The following DYRK4 variants were observed in gnomAD, a reference collection of about 807,000 sequenced individuals.
DYRK4 encodes dual specificity tyrosine phosphorylation regulated kinase 4.
In DYRK4, 64 loss-of-function variants were observed where a neutral mutation model predicts 68.3. The ratio of observed to expected loss-of-function variants is 0.94; its 90% CI spans 0.77 to 1.15. The LOEUF (loss-of-function observed/expected upper bound fraction) is 1.15, where lower values mean the gene tolerates loss of function less well. Among genes scored for constraint, DYRK4 ranks in the 50% most tolerant of loss-of-function variants. DYRK4 has a pLI of 0.00. For missense variants in DYRK4, 740 were observed against 764.7 expected (o/e 0.97, Z 0.38); for synonymous variants, 274 against 289.9 (o/e 0.95, Z 0.56).
intron 1 of DYRK4, among the ~76,000 whole-genome samples, chr12:4,565,896 T>C (rs765789401): frequency 1.3e-5 from 2 of 152,240 alleles, no homozygotes; most frequent in Non-Finnish European, 2.9e-5. Flanking sequence ...CCCAAAGTGC[T>C]GGGATTACAG....
intron 1 of DYRK4, among the ~76,000 whole-genome samples, chr12:4,563,544 T>C (rs1481924346): frequency 1.3e-5 from 2 of 152,192 alleles, no homozygotes; most frequent in Admixed American, 6.5e-5. Context: ...TCAAAGAATA[T>C]GGTCGTGCTG....
At chr12:4,563,427 G>T (rs1013110792) in intron 1 of DYRK4, among the ~76,000 whole-genome samples, 1 of 152,208 alleles carries the variant, frequency 6.6e-6, no homozygotes, top group Admixed American at 6.5e-5. Context: ...CCAGTGCTGG[G>T]ATTTAGTGGT....
chr12:4,574,869 C>T (rs1944771047), intron 2 of DYRK4, among the ~76,000 whole-genome samples: 1 of 152,118 alleles, frequency 6.6e-6, no homozygotes, highest in Non-Finnish European at 1.5e-5. Flanking sequence ...AGGTGCACGC[C>T]ACCATGCCCA....
At chr12:4,611,065 A>G (rs1371858231) in intron 13 of DYRK4, among the ~76,000 whole-genome samples, 2 of 152,304 alleles carry the variant, frequency 1.3e-5, no homozygotes, top group Admixed American at 6.5e-5. Context: ...GCTCCCTTCC[A>G]GTTCTATCAG....
At position 4,613,739 on chromosome 12, in the gene DYRK4, C is replaced by G; in HGVS notation, c.1891C>G (p.Pro631Ala). The change falls in exon 15 of 15, where the codon CCC becomes GCC. Residue 631 changes from proline (P) to alanine (A), a missense_variant. Pro to Ala is a conservative substitution (Grantham distance 27, BLOSUM62 -1). Transcript: ENST00000543431. This position sits in a 1 kb window ranked among gnomAD's most constrained non-coding sequence, Gnocchi z 4.0. ...CTCCCTCAAGAACACAAACGTTTTA[C>G]CCCCTATTGTATGACCTTTGCTGAG... ...NFSLKNTNVL[P>A]PIV 1.3e-6 allele frequency: 2 copies of G among 1,567,204 alleles called. No individual in the cohort carries two copies. The highest frequency in any genetic ancestry group is 2.3e-5 in the South Asian group (2 of 85,748).
chr12:4,613,489 C>G lies in DYRK4; in HGVS notation c.1667-26C>G. 6.3e-7 allele frequency: 1 copy of G among 1,592,532 alleles called. No homozygotes were observed. Among genetic ancestry groups the G allele is most frequent in the Admixed American group, 1.7e-5 (1 of 58,838 alleles). On this transcript the variant is annotated intron_variant, in intron 14 of 14. Transcript: ENST00000543431. The surrounding 1 kb of genome is among the most constrained non-coding windows in gnomAD (Gnocchi z 4.0). ...ATAATCCACATTTGAATCTTGTTCC[C>G]TTCTGTCTTCTCTCTCCTTTAGCAG...
In DYRK4 at chr12:4,590,429, C is replaced by G; in HGVS notation, c.313C>G (p.Leu105Val). Reference sequence around the variant, plus strand: ...CAAGAAAGTCCTGCTGAAGTCATCCCTGCTGTATCAGGTGAGTGCAGACGG... The same window carrying G: ...CAAGAAAGTCCTGCTGAAGTCATCCGTGCTGTATCAGGTGAGTGCAGACGG... Reference protein sequence around the residue: ...ISKKVLLKSSLLYQENQAHNQ... With the variant: ...ISKKVLLKSSVLYQENQAHNQ... Residue 105 changes from leucine (L) to valine (V), a missense_variant, in exon 4 of 15, where the codon CTG becomes GTG. Physicochemically the swap from Leu to Val is conservative, Grantham distance 32. Around this residue, in one of 3 missense-constraint regions of DYRK4, gnomAD observed 56 missense variants for 89.9 expected, o/e 0.62. Transcript: ENST00000543431. The G allele has an allele frequency of 6.5e-7, 1 of 1,535,976 alleles. No individual in the cohort carries two copies. The highest frequency in any genetic ancestry group is 2.4e-5 in the East Asian group (1 of 40,908).
intron 2 of DYRK4, chr12:4,573,025 C>G: frequency 3.4e-6 from 1 of 297,526 alleles, no homozygotes; most frequent in Non-Finnish European, 6.5e-6. Flanking sequence ...GAAATCAGTT[C>G]AAGCTGAAGA....
chr12:4,600,342 G>T (rs561395052), intron 10 of DYRK4, among the ~76,000 whole-genome samples: 1 of 152,014 alleles, frequency 6.6e-6, no homozygotes, highest in Admixed American at 6.6e-5. Flanking sequence ...TTTGTGATCT[G>T]TTTTGTGTCA....
In DYRK4 at chr12:4,573,993, A is replaced by G. The variant is rs141468339; in HGVS notation, c.132+5945A>G. On this transcript the variant is annotated intron_variant, in intron 2 of 14. Transcript: ENST00000543431. The stretch of plus-strand genomic sequence containing the variant: ...GTAATTCCAGCACTTTGGGAGGCCA[A>G]GGCGGGTGGATCACAAGGTCAGGAG... Among the ~76,000 whole-genome samples, 1,131 of 152,266 alleles carry G rather than the reference A, an allele frequency of 7.4e-3. 17 individuals carry two copies. Among genetic ancestry groups the G allele is most frequent in the African/African-American group, 0.025 (1,056 of 41,564 alleles).
In DYRK4 at chr12:4,588,922, T is replaced by C; in HGVS notation, c.133-15T>C. ...CATGCCAAGCATTGTTCCTATTTTC[T>C]TCCACTTGATCCAGGTTGGAAGTAA... On this transcript the variant is annotated splice_polypyrimidine_tract_variant and intron_variant, in intron 2 of 14. Coordinates refer to ENST00000543431, the MANE Select transcript of DYRK4 (RefSeq NM_001394779.1). 6.5e-7 allele frequency: 1 copy of C among 1,535,696 alleles called. No individual in the cohort carries two copies. Among genetic ancestry groups the C allele is most frequent in the Non-Finnish European group, 8.7e-7 (1 of 1,146,514 alleles).
chr12:4,593,002 A>AGGCCC lies in DYRK4; in HGVS notation c.465_469dup (p.Leu157ArgfsTer3), dbSNP rs774530514. 1 of 1,612,040 alleles carries AGGCCC rather than the reference A, an allele frequency of 6.2e-7. No homozygotes were observed. Among genetic ancestry groups the AGGCCC allele is most frequent in the Non-Finnish European group, 8.5e-7 (1 of 1,179,012 alleles). On this transcript the variant is annotated frameshift_variant and splice_region_variant, in exon 6 of 15. Coordinates refer to ENST00000543431, the MANE Select transcript of DYRK4 (RefSeq NM_001394779.1). LOFTEE classifies it high-confidence loss of function. ...CACAATTGTAGTGTTTTTCACACAGAGGCCCTAAAGCTTTTTAAGAACCAG... is the reference window on the plus strand; with the variant it reads ...CACAATTGTAGTGTTTTTCACACAGAGGCCCGGCCCTAAAGCTTTTTAAGAACCAG...
chr12:4,592,137 A>C (rs2240764), intron 5 of DYRK4, among the ~76,000 whole-genome samples: 1 of 152,100 alleles, frequency 6.6e-6, no homozygotes, highest in Non-Finnish European at 1.5e-5. Flanking sequence ...GGAACTATGC[A>C]TGAAGAGGTC....
rs148232276 is a variant in DYRK4, at chr12:4,591,214, C to A, written c.379C>A (p.Pro127Thr). Residue 127 changes from proline to threonine, a missense_variant, in exon 5 of 15, where the codon CCT (proline) becomes ACT (threonine). This residue lies in a region of DYRK4 where 56 missense variants were observed against 89.9 expected (regional missense o/e 0.62). Coordinates refer to ENST00000543431, the MANE Select transcript of DYRK4 (RefSeq NM_001394779.1). This position sits in a 1 kb window ranked among gnomAD's most constrained non-coding sequence, Gnocchi z 4.1. ...CTCAGAGCTCAAGGCTTCAGAAATA[C>A]CTTTCCACCCTAGCATTAAAACCCA... Reference protein sequence around the residue: ...PASELKASEIPFHPSIKTQDP... With the variant: ...PASELKASEITFHPSIKTQDP... 1 of 1,614,032 alleles carries A rather than the reference C, an allele frequency of 6.2e-7. No individual in the cohort carries two copies. The highest frequency in any genetic ancestry group is 8.5e-7 in the Non-Finnish European group (1 of 1,180,028).
chr12:4,593,148 C>A lies in DYRK4; in HGVS notation c.610C>A (p.His204Asn). 1 of 1,613,790 alleles carries A rather than the reference C, an allele frequency of 6.2e-7. No homozygotes were observed. The highest frequency in any genetic ancestry group is 8.5e-7 in the Non-Finnish European group (1 of 1,179,974). ...TAGCAAGACGAGTTTTGATGATGAG[C>A]ATGGCTTCTATCTGAAGGTGATGGG... ...KFSKTSFDDEHGFYLKVLHDH... is the reference protein window; with the variant it reads ...KFSKTSFDDENGFYLKVLHDH... Residue 204 changes from histidine to asparagine, a missense_variant, in exon 6 of 15, where the codon CAT becomes AAT. Physicochemically the swap from His to Asn is moderately conservative, Grantham distance 68. Coordinates refer to ENST00000543431, the MANE Select transcript of DYRK4 (RefSeq NM_001394779.1).
At chr12:4,602,700 A>G in intron 10 of DYRK4, 1 of 1,464,758 alleles carries the variant, frequency 6.8e-7, no homozygotes, top group African/African-American at 1.4e-5. Context: ...TATTAATGGG[A>G]GGCAAATACC....
Position 4,591,977 on chromosome 12 carries a change from G to T in DYRK4, c.463+679G>T, listed in dbSNP as rs1398222887. ...TGGCCAGTAGCTAGACTTTTAATGG[G>T]ATTCAGAGACTCATAACCTATTAGG... On this transcript the variant is annotated intron_variant, in intron 5 of 14. Coordinates refer to ENST00000543431, the MANE Select transcript of DYRK4 (RefSeq NM_001394779.1). This position sits in a 1 kb window ranked among gnomAD's most constrained non-coding sequence, Gnocchi z 4.1. 6.6e-6 allele frequency among the ~76,000 whole-genome samples: 1 copy of T among 152,166 alleles called. No homozygotes were observed. The highest frequency in any genetic ancestry group is 1.5e-5 in the Non-Finnish European group (1 of 68,026).
intron 6 of DYRK4, among the ~76,000 whole-genome samples, chr12:4,594,112 G>A (rs987852410): frequency 5.3e-5 from 8 of 152,124 alleles, no homozygotes; most frequent in Non-Finnish European, 5.9e-5. Flanking sequence ...CAATATTTTC[G>A]GTCAAGCATC....
At chr12:4,602,303 T>A in intron 10 of DYRK4, 1 of 958,836 alleles carries the variant, frequency 1.0e-6, no homozygotes, top group Non-Finnish European at 1.7e-6. Context: ...TTCTCCCTCT[T>A]TTTTTCTTCC....
Sources: allele counts gnomAD v4.1 joint callset (sites outside exome capture counted in the v4.1 genomes callset), GRCh38; gene constraint gnomAD v4.1.1; regional missense constraint gnomAD v4.1.1; non-coding constraint Gnocchi (gnomAD v3.1); transcripts MANE v1.5; gene names NCBI Gene and HGNC (gene_info 2026-07-23, HGNC 2026-07-21).